DLG2: variants seen among roughly 807,000 people sequenced by gnomAD.
The protein encoded by DLG2 is disks large homolog 2.
DLG2 carries 45 observed loss-of-function variants against 132.5 expected under a neutral mutation model. The ratio of observed to expected loss-of-function variants is 0.34; its 90% confidence interval spans 0.27 to 0.44. The LOEUF (loss-of-function observed/expected upper bound fraction) is 0.44, where lower values mean the gene tolerates loss of function less well. Ranked by LOEUF, DLG2 falls within the 20% of genes least tolerant of loss-of-function variation. The probability of loss-of-function intolerance (pLI) is 1.00; values close to 1 mark genes in which losing one functional copy is unlikely to be tolerated. For synonymous variants in DLG2, 424 were observed against 419.6 expected (o/e 1.01, Z -0.13); for missense variants, 1,045 against 1,196.9 (o/e 0.87, Z 1.87).
intron 16 of DLG2, among the ~76,000 whole-genome samples, chr11:83,845,552 T>C (rs2058452968): frequency 6.6e-6 from 1 of 152,214 alleles, no homozygotes; most frequent in Non-Finnish European, 1.5e-5. Context: ...GGACATGTTA[T>C]TAAAATAATA....
intron 9 of DLG2, among the ~76,000 whole-genome samples, chr11:84,148,783 G>T (rs965524821): frequency 1.3e-5 from 2 of 152,036 alleles, no homozygotes; most frequent in East Asian, 3.9e-4. Flanking sequence ...AGCTCTTTGA[G>T]AAATCTCCAA....
chr11:85,494,921 TA>T (rs2093637904), intron 3 of DLG2, among the ~76,000 whole-genome samples: 1 of 151,962 alleles, frequency 6.6e-6, no homozygotes, highest in Admixed American at 6.6e-5. Context: ...AACATGCTAC[TA>T]AATGAGACAT....
At chr11:84,076,803 T>C (rs1355608966) in intron 10 of DLG2, among the ~76,000 whole-genome samples, 4 of 152,218 alleles carry the variant, frequency 2.6e-5, no homozygotes, top group African/African-American at 4.8e-5. Context: ...TAAACTCCAA[T>C]GTTCTCCTTT....
chr11:85,181,261 T>C (rs914067764), intron 4 of DLG2, among the ~76,000 whole-genome samples: 8 of 151,616 alleles, frequency 5.3e-5, no homozygotes, highest in Non-Finnish European at 1.2e-4. Flanking sequence ...TATATGTGTA[T>C]ATATATGTGT....
chr11:84,172,859 T>A (rs971142696), intron 8 of DLG2, among the ~76,000 whole-genome samples: 6 of 152,100 alleles, frequency 3.9e-5, no homozygotes, highest in African/African-American at 1.4e-4. Context: ...AACTTTTTTT[T>A]TAAAAAATTA....
At chr11:84,620,742 A>G (rs2099612392) in intron 6 of DLG2, among the ~76,000 whole-genome samples, 1 of 152,094 alleles carries the variant, frequency 6.6e-6, no homozygotes, top group South Asian at 2.1e-4. Context: ...AAACTCTTAA[A>G]CGCTTCTAGT....
chr11:84,736,297 T>A (rs769991912), intron 6 of DLG2, among the ~76,000 whole-genome samples: 8 of 151,944 alleles, frequency 5.3e-5, no homozygotes, highest in African/African-American at 9.6e-5. Flanking sequence ...TTGAAACAAC[T>A]TTGTTCTTCT....
chr11:83,841,746 T>TA (rs950097987), intron 16 of DLG2, among the ~76,000 whole-genome samples: 1 of 152,228 alleles, frequency 6.6e-6, no homozygotes, highest in Non-Finnish European at 1.5e-5. Flanking sequence ...TCAGCAGTTT[T>TA]AAAAACAAAG....
chr11:85,423,504 C>T (rs959838287), intron 3 of DLG2, among the ~76,000 whole-genome samples: 2 of 152,074 alleles, frequency 1.3e-5, no homozygotes, highest in East Asian at 1.9e-4. Flanking sequence ...GGAATATATG[C>T]CCTTTGTCTT....
At chr11:84,301,050 A>C (rs900545516) in intron 7 of DLG2, among the ~76,000 whole-genome samples, 1 of 152,178 alleles carries the variant, frequency 6.6e-6, no homozygotes, top group Non-Finnish European at 1.5e-5. Flanking sequence ...AAATATTATG[A>C]ACCTTAAAAA....
chr11:85,004,259 G>A (rs1424294889), intron 6 of DLG2, among the ~76,000 whole-genome samples: 1 of 152,148 alleles, frequency 6.6e-6, no homozygotes, highest in Non-Finnish European at 1.5e-5. Context: ...TGAGGCAAAT[G>A]GTATTTCTGG....
chr11:85,137,899 G>A (rs1279479659), intron 5 of DLG2, among the ~76,000 whole-genome samples: 1 of 151,972 alleles, frequency 6.6e-6, no homozygotes, highest in South Asian at 2.1e-4. Flanking sequence ...TAAGAAATTA[G>A]GATCAACTGA....
intron 6 of DLG2, among the ~76,000 whole-genome samples, chr11:84,587,716 G>A (rs77693614): frequency 0.024 from 3,617 of 152,034 alleles, 58 homozygotes; most frequent in Non-Finnish European, 0.038. Context: ...TGCAGTGATC[G>A]GCAAAATACT....
intron 14 of DLG2, among the ~76,000 whole-genome samples, chr11:83,945,190 C>T (rs1395907286): frequency 1.3e-5 from 2 of 152,158 alleles, no homozygotes; most frequent in African/African-American, 4.8e-5. Context: ...GCTTCAGAAT[C>T]GCTTGAACTC....
chr11:83,519,733 T>G (rs2140371714), intron 21 of DLG2, among the ~76,000 whole-genome samples: 1 of 152,374 alleles, frequency 6.6e-6, no homozygotes, highest in African/African-American at 2.4e-5. Context: ...GCTTTGCCTA[T>G]TACTGCGAAG....
intron 19 of DLG2, among the ~76,000 whole-genome samples, chr11:83,545,213 G>A (rs2096206823): frequency 6.6e-6 from 1 of 151,954 alleles, no homozygotes; most frequent in African/African-American, 2.4e-5. Context: ...AACCCCTCTG[G>A]GCCTCAGATT....
intron 6 of DLG2, among the ~76,000 whole-genome samples, chr11:84,841,955 T>C (rs2080753639): frequency 1.3e-5 from 2 of 152,000 alleles, no homozygotes; most frequent in African/African-American, 4.8e-5. Context: ...CTTCTTATGA[T>C]ATATTATTTC....
intron 15 of DLG2, among the ~76,000 whole-genome samples, chr11:83,924,054 G>A (rs548649649): frequency 1.3e-5 from 2 of 152,138 alleles, no homozygotes; most frequent in Admixed American, 1.3e-4. Flanking sequence ...TATATAACAC[G>A]ATGCTTAACT....
At chr11:84,667,255 C>T (rs571538925) in intron 6 of DLG2, among the ~76,000 whole-genome samples, 19 of 152,116 alleles carry the variant, frequency 1.2e-4, no homozygotes, top group Middle Eastern at 6.8e-3. Flanking sequence ...AAGATATTTC[C>T]ACACAGTGAA....
Sources: allele counts gnomAD v4.1 joint callset (sites outside exome capture counted in the v4.1 genomes callset), GRCh38; gene constraint gnomAD v4.1.1; transcripts MANE v1.5; gene names NCBI Gene and HGNC (gene_info 2026-07-23, HGNC 2026-07-21).